CCDC18: variants seen among roughly 807,000 people sequenced by gnomAD.
CCDC18 encodes the protein coiled-coil domain containing 18, also known as coiled-coil domain-containing protein 18.
Under a neutral mutation model 196.0 loss-of-function variants are expected in CCDC18, and 157 were observed. The ratio of observed to expected loss-of-function variants is 0.80; its 90% CI spans 0.70 to 0.91. The LOEUF is 0.91. Ranked by LOEUF, CCDC18 falls within the 40% of genes least tolerant of loss-of-function variation. The pLI is 0.00. For missense variants in CCDC18, 1,465 were observed against 1,611.6 expected (o/e 0.91, Z 1.56); for synonymous variants, 482 against 529.2 (o/e 0.91, Z 1.22).
At chr1:93,210,253 T>A (rs1655394660) in intron 9 of CCDC18, among the ~76,000 whole-genome samples, 1 of 152,240 alleles carries the variant, frequency 6.6e-6, no homozygotes. Flanking sequence ...CTTTTAAAAT[T>A]CTGTATTATC....
chr1:93,254,162 T>A (rs1390281898), intron 23 of CCDC18, among the ~76,000 whole-genome samples: 1 of 152,166 alleles, frequency 6.6e-6, no homozygotes, highest in Non-Finnish European at 1.5e-5. Context: ...TTTAATTTTT[T>A]AAATTTCAAT....
intron 3 of CCDC18, among the ~76,000 whole-genome samples, chr1:93,184,925 C>T (rs1291068373): frequency 1.3e-5 from 2 of 151,908 alleles, no homozygotes; most frequent in Non-Finnish European, 2.9e-5. Context: ...TCTCTATCCT[C>T]ATTCAAATTG....
intron 17 of CCDC18, among the ~76,000 whole-genome samples, chr1:93,231,862 C>T (rs900097313): frequency 2.0e-5 from 3 of 152,174 alleles, no homozygotes; most frequent in Non-Finnish European, 2.9e-5. Flanking sequence ...TAGCACCAAA[C>T]ATCATATAGT....
Position 93,270,503 on chromosome 1 carries a change from TG to T in CCDC18, c.4043del (p.Cys1348LeufsTer31). On this transcript the variant is annotated frameshift_variant, in exon 28 of 29. Coordinates refer to ENST00000690025, the MANE Select transcript of CCDC18 (RefSeq NM_001378204.1). LOFTEE classifies it high-confidence loss of function. ...ATGTTTTCACACATCTTTTTCCAAG[TG>T]TACAAAATTACGTCGCTCTATTAGT... is the stretch of plus-strand genomic sequence containing the variant. ...AKCFHTSFSK[C>X]TKLRRSISAS... The T allele has an allele frequency of 1.3e-6, 2 of 1,550,420 alleles. No individual in the cohort carries two copies. Among genetic ancestry groups the T allele is most frequent in the Non-Finnish European group, 1.7e-6 (2 of 1,146,884 alleles).
At chr1:93,253,736 T>C (rs957362763) in intron 23 of CCDC18, among the ~76,000 whole-genome samples, 2 of 152,168 alleles carry the variant, frequency 1.3e-5, no homozygotes, top group African/African-American at 4.8e-5. Context: ...CCTTTTCAGA[T>C]GGTTGTGCTT....
At chr1:93,220,764 C>T (rs1158343213) in intron 14 of CCDC18, among the ~76,000 whole-genome samples, 1 of 152,140 alleles carries the variant, frequency 6.6e-6, no homozygotes, top group Non-Finnish European at 1.5e-5. Context: ...GCTATTCTTC[C>T]TGATGCTCCC....
chr1:93,239,477 A>G lies in CCDC18; in HGVS notation c.2767+4A>G. 1.2e-6 allele frequency: 2 copies of G among 1,607,402 alleles called. No individual in the cohort carries two copies. Among genetic ancestry groups the G allele is most frequent in the Non-Finnish European group, 1.7e-6 (2 of 1,177,614 alleles). On this transcript the variant is annotated splice_donor_region_variant and intron_variant, in intron 20 of 28. Coordinates refer to ENST00000690025, the MANE Select transcript of CCDC18 (RefSeq NM_001378204.1). Reference sequence around the variant, plus strand: ...CTAGAAAAGAAAACAAATGCTGGTAAGCAAGTGGTTAGATGAGTATAGCTG... The same window carrying G: ...CTAGAAAAGAAAACAAATGCTGGTAGGCAAGTGGTTAGATGAGTATAGCTG...
intron 6 of CCDC18, among the ~76,000 whole-genome samples, chr1:93,200,412 G>A (rs1653632706): frequency 6.6e-6 from 1 of 151,108 alleles, no homozygotes; most frequent in Non-Finnish European, 1.5e-5. Flanking sequence ...AGGCCAAAGT[G>A]CGAGTATTAC....
At chr1:93,196,115 G>T (rs1652676526) in intron 6 of CCDC18, among the ~76,000 whole-genome samples, 1 of 152,180 alleles carries the variant, frequency 6.6e-6, no homozygotes, top group South Asian at 2.1e-4. Flanking sequence ...TTGAGCTCAT[G>T]AGTTCAGGAC....
At chr1:93,200,142 G>GC (rs909857126) in intron 6 of CCDC18, among the ~76,000 whole-genome samples, 2 of 152,044 alleles carry the variant, frequency 1.3e-5, no homozygotes, top group African/African-American at 4.8e-5. Context: ...GCACCACCAT[G>GC]CCCAGTTAAC....
chr1:93,238,658 A>T (rs1166637975), intron 19 of CCDC18, among the ~76,000 whole-genome samples: 1 of 152,174 alleles, frequency 6.6e-6, no homozygotes, highest in East Asian at 1.9e-4. Flanking sequence ...CAACAAAGGG[A>T]CTTAAAACTG....
chr1:93,196,184 G>A (rs1360488473), intron 6 of CCDC18, among the ~76,000 whole-genome samples: 1 of 152,134 alleles, frequency 6.6e-6, no homozygotes, highest in Non-Finnish European at 1.5e-5. Flanking sequence ...TTAGCCTGGT[G>A]TGGTGGCACA....
At chr1:93,201,617 A>G (rs75185325) in intron 6 of CCDC18, among the ~76,000 whole-genome samples, 3,741 of 150,344 alleles carry the variant, frequency 0.025, 133 homozygotes, top group African/African-American at 0.08. Context: ...CCAGATAGGG[A>G]AAAAAAAAAT....
chr1:93,232,593 G>A lies in CCDC18; in HGVS notation c.2460G>A (p.Gln820=), dbSNP rs745580646. The change falls in exon 18 of 29, where the codon CAG becomes CAA. Residue 820 remains glutamine (Q), a splice_region_variant and synonymous_variant. Coordinates refer to ENST00000690025, the MANE Select transcript of CCDC18 (RefSeq NM_001378204.1). ...ATACTCAAACTAAACTTGAAAAACA[G>A]GTATATATTATTAGCCCAAGATTGT... The part of the protein sequence containing the change: ...LEDTQTKLEK[Q]VSKLEQELQK... 2 of 1,571,986 alleles carry A rather than the reference G, an allele frequency of 1.3e-6. No homozygotes were observed. The highest frequency in any genetic ancestry group is 2.3e-5 in the South Asian group (2 of 86,098).
intron 26 of CCDC18, among the ~76,000 whole-genome samples, chr1:93,264,092 T>TCTTA (rs1156687180): frequency 1.5e-5 from 2 of 132,050 alleles, no homozygotes; most frequent in South Asian, 4.5e-4. Context: ...GCAAGTCATG[T>TCTTA]CTTACATGGT....
intron 27 of CCDC18, 119 bp from the exon 28 acceptor site, chr1:93,270,228 T>C: frequency 1.5e-6 from 1 of 651,272 alleles, no homozygotes. Flanking sequence ...TCAAGAATTA[T>C]AAACAGAATT....
chr1:93,182,244 C>CT (rs1649845088), intron 1 of CCDC18, among the ~76,000 whole-genome samples: 1 of 152,102 alleles, frequency 6.6e-6, no homozygotes, highest in African/African-American at 2.4e-5. Context: ...TGGGAGTTTT[C>CT]TTTTTAATCT....
At chr1:93,264,628 A>G (rs553554152) in intron 26 of CCDC18, 73 bp from the exon 27 acceptor site, 36 of 858,020 alleles carry the variant, frequency 4.2e-5, no homozygotes, top group African/African-American at 4.1e-4. Flanking sequence ...AGTAGAAAGC[A>G]TTAGACTGTT....
intron 17 of CCDC18, among the ~76,000 whole-genome samples, chr1:93,229,844 CATG>C (rs1447103353): frequency 1.3e-5 from 2 of 152,066 alleles, no homozygotes; most frequent in South Asian, 2.1e-4. Context: ...ACATTGTCAA[CATG>C]ATAAAAGAAA....
Sources: gnomAD v4.1 joint callset for allele counts (sites outside exome capture counted in the v4.1 genomes callset) on GRCh38, gnomAD v4.1.1 for gene constraint, MANE v1.5 for transcripts, NCBI Gene and HGNC (gene_info 2026-07-23, HGNC 2026-07-21) for gene names.